The following ASB1 variants were observed in gnomAD, a reference collection of about 807,000 sequenced individuals.
The protein encoded by ASB1 is ankyrin repeat and SOCS box containing 1, also known as ankyrin repeat and SOCS box protein 1.
A neutral mutation model predicts 27.7 loss-of-function variants in ASB1; 18 were observed. The ratio of observed to expected loss-of-function variants is 0.65; its 90% CI spans 0.45 to 0.96. The LOEUF (loss-of-function observed/expected upper bound fraction) is 0.96. Among genes scored for constraint, ASB1 ranks in the 50% least tolerant of loss-of-function variants. The pLI is 0.00. For missense variants in ASB1, 397 were observed against 451.7 expected, an observed-to-expected ratio of 0.88 and a Z score of 1.10; for synonymous variants, 189 against 187.6, an observed-to-expected ratio of 1.01 and a Z score of -0.06.
chr2:238,431,535 C>T (rs1164164388), intron 1 of ASB1, among the ~76,000 whole-genome samples: 1 of 152,244 alleles, frequency 6.6e-6, no homozygotes, highest in Non-Finnish European at 1.5e-5. Context: ...TTTTCCTTTG[C>T]ATTCACAACT....
chr2:238,435,644 G>A, intron 2 of ASB1, 67 bp from the exon 3 acceptor site: 1 of 1,488,720 alleles, frequency 6.7e-7, no homozygotes, highest in Non-Finnish European at 9.1e-7. Flanking sequence ...CCAGGGTGAG[G>A]GGGGCAGTGC....
In ASB1 at chr2:238,446,825, C is replaced by A. The variant is rs1439206517; in HGVS notation, c.*314C>A. 1.0e-5 allele frequency: 3 copies of A among 288,678 alleles called. No individual in the cohort carries two copies. The highest frequency in any genetic ancestry group is 2.0e-5 in the Non-Finnish European group (3 of 153,646). 17.9% of individuals were successfully genotyped at this position (288,678 alleles called of 1,614,324 possible). On this transcript the variant is annotated 3_prime_UTR_variant, in exon 5 of 5. Transcript: ENST00000264607. ...TGAGGTTGGAGGCCTACTAATTTCC[C>A]TGTAGGGAAGACTCCCAGCACTTCT... is the stretch of plus-strand genomic sequence containing the variant.
At position 238,427,022 on chromosome 2, in the gene ASB1, C is replaced by T. The variant is rs1464994761; in HGVS notation, c.-49C>T. ...TGGTCGCGGGTCGTTCTGCTTCCTG[C>T]CCGAGGGGCGTGCGCGGGTCAGGGG... On this transcript the variant is annotated 5_prime_UTR_variant, in exon 1 of 5. Transcript: ENST00000264607. The T allele has an allele frequency of 4.9e-6, 6 of 1,233,370 alleles. No individual in the cohort carries two copies. The African/African-American group carries it at 7.8e-5, about 16-fold the overall frequency. The allele number at this position is 1,233,370 out of a possible 1,614,324, so 76.4% of individuals were successfully genotyped here. A position where few individuals can be genotyped will look rare whatever the true frequency, so the allele number is the denominator to read the frequency against.
At chr2:238,432,557 C>T (rs1390031394) in intron 1 of ASB1, among the ~76,000 whole-genome samples, 4 of 152,120 alleles carry the variant, frequency 2.6e-5, no homozygotes, top group Admixed American at 6.5e-5. Flanking sequence ...GGGAGGGAGT[C>T]ACCCGTGTAG....
chr2:238,443,822 A>C (rs1298324746), intron 3 of ASB1, among the ~76,000 whole-genome samples: 1 of 151,326 alleles, frequency 6.6e-6, no homozygotes, highest in Non-Finnish European at 1.5e-5. Flanking sequence ...ATATTAATAG[A>C]GTTTCTAATA....
Position 238,446,403 on chromosome 2 carries a change from G to A in ASB1, c.900G>A (p.Leu300=). The A allele has an allele frequency of 6.2e-7, 1 of 1,611,036 alleles. No individual in the cohort carries two copies. The highest frequency in any genetic ancestry group is 8.5e-7 in the Non-Finnish European group (1 of 1,178,436). The change falls in exon 5 of 5, where the codon CTG becomes CTA. Residue 300 remains leucine (L), a synonymous_variant. Transcript: ENST00000264607. ...CTTCAGGTGTTCCCAGAACCTTGCT[G>A]TGTCTGTGCCGTGTGGCTGTGAGAA... ...KEARSVPRTL[L]CLCRVAVRRA...
At position 238,433,675 on chromosome 2, in the gene ASB1, G is replaced by T; in HGVS notation, c.171G>T (p.Leu57Phe). 1 of 1,614,032 alleles carries T rather than the reference G, an allele frequency of 6.2e-7. No individual in the cohort carries two copies. Among genetic ancestry groups the T allele is most frequent in the Non-Finnish European group, 8.5e-7 (1 of 1,179,942 alleles). Residue 57 changes from leucine (L) to phenylalanine (F), a missense_variant, in exon 2 of 5, where the codon TTG becomes TTT. Leu to Phe is a conservative substitution (Grantham distance 22, BLOSUM62 0). Transcript: ENST00000264607. ...VGDLQTLRSL[L>F]QEESYRSRIN... ...ACCTCCAGACCCTCAGGAGCCTATT[G>T]CAAGAGGAGAGCTACCGGAGGTGAG...
intron 3 of ASB1, among the ~76,000 whole-genome samples, chr2:238,438,707 T>G (rs1474244584): frequency 1.3e-5 from 2 of 152,256 alleles, no homozygotes; most frequent in African/African-American, 4.8e-5. Flanking sequence ...ATAACTTAGC[T>G]TCTGCCTTCC....
In ASB1 at chr2:238,435,728, C is replaced by CT; in HGVS notation, c.210dup (p.Val71CysfsTer99). 3.1e-6 allele frequency: 5 copies of CT among 1,613,164 alleles called. No individual in the cohort carries two copies. Among genetic ancestry groups the CT allele is most frequent in the Non-Finnish European group, 4.2e-6 (5 of 1,179,348 alleles). ...TCCTGCAGCCGCATCAACGAGAAGTCTGTCTGGTGCTGTGGCTGGCTCCCC... is the reference window on the plus strand; with the variant it reads ...TCCTGCAGCCGCATCAACGAGAAGTCTTGTCTGGTGCTGTGGCTGGCTCCCC... On this transcript the variant is annotated frameshift_variant, in exon 3 of 5. Coordinates refer to ENST00000264607, the MANE Select transcript of ASB1 (RefSeq NM_001040445.3). LOFTEE classifies it high-confidence loss of function.
intron 2 of ASB1, 105 bp downstream of exon 2, chr2:238,433,800 G>T: frequency 7.3e-7 from 1 of 1,361,182 alleles, no homozygotes; most frequent in Non-Finnish European, 1.0e-6. Flanking sequence ...ATGTTGGGAG[G>T]AATGTGTTCC....
rs1219119979 is a variant in ASB1 at position 238,451,661 on chromosome 2, C to G, written c.*5150C>G. 2.6e-5 allele frequency: 4 copies of G among 152,634 alleles called. No individual in the cohort carries two copies. Among genetic ancestry groups the G allele is most frequent in the African/African-American group, 9.7e-5 (4 of 41,450 alleles). The allele number at this position is 152,634 out of a possible 1,614,324, so 9.5% of individuals were successfully genotyped here. A position where few individuals can be genotyped will look rare whatever the true frequency, so the allele number is the denominator to read the frequency against. On this transcript the variant is annotated 3_prime_UTR_variant, in exon 5 of 5. Coordinates refer to ENST00000264607, the MANE Select transcript of ASB1 (RefSeq NM_001040445.3). ...ACCGTGACTGTTTCTGCCCTTGTGC[C>G]TAGTTAAGAGCCTTCAAAAGCATAA...
Position 238,446,829 on chromosome 2 carries a change from A to G in ASB1, c.*318A>G, listed in dbSNP as rs1575009869. 1 of 284,146 alleles carries G rather than the reference A, an allele frequency of 3.5e-6. No homozygotes were observed. Among genetic ancestry groups the G allele is most frequent in the East Asian group, 1.0e-4 (1 of 9,844 alleles). The allele number at this position is 284,146 out of a possible 1,614,324, so 17.6% of individuals were successfully genotyped here. Reference sequence around the variant, plus strand: ...GTTGGAGGCCTACTAATTTCCCTGTAGGGAAGACTCCCAGCACTTCTGGAA... The same window carrying G: ...GTTGGAGGCCTACTAATTTCCCTGTGGGGAAGACTCCCAGCACTTCTGGAA... On this transcript the variant is annotated 3_prime_UTR_variant, in exon 5 of 5. Coordinates refer to ENST00000264607, the MANE Select transcript of ASB1 (RefSeq NM_001040445.3).
chr2:238,444,830 C>A, intron 4 of ASB1, 103 bp downstream of exon 4: 1 of 1,311,032 alleles, frequency 7.6e-7, no homozygotes, highest in Non-Finnish European at 1.0e-6. Flanking sequence ...AGCACTTGGC[C>A]AAAATCTTCA....
At chr2:238,442,603 T>C (rs992810690) in intron 3 of ASB1, among the ~76,000 whole-genome samples, 2 of 152,234 alleles carry the variant, frequency 1.3e-5, no homozygotes, top group African/African-American at 4.8e-5. Flanking sequence ...TAAAAACATT[T>C]TATTTGTGGA....
rs552809178 is a variant in ASB1 at position 238,444,671 on chromosome 2, C to T, written c.824C>T (p.Ser275Leu). 1.4e-5 allele frequency: 23 copies of T among 1,613,974 alleles called. No homozygotes were observed. Among genetic ancestry groups the T allele is most frequent in the African/African-American group, 4.0e-5 (3 of 74,974 alleles). Residue 275 changes from serine (S) to leucine (L), a missense_variant, in exon 4 of 5, where the codon TCG becomes TTG. Transcript: ENST00000264607. ...LVKWESLGPE[S>L]RGRRKVDPEA... Reference sequence around the variant, plus strand: ...AAGTGGGAATCGCTGGGCCCAGAGTCGAGAGGAAGAAGAAAAGTGGACCCT... The same window carrying T: ...AAGTGGGAATCGCTGGGCCCAGAGTTGAGAGGAAGAAGAAAAGTGGACCCT...
intron 2 of ASB1, among the ~76,000 whole-genome samples, chr2:238,434,656 A>G (rs1361757471): frequency 1.3e-5 from 2 of 152,268 alleles, no homozygotes; most frequent in African/African-American, 4.8e-5. Context: ...AAGGACTGTC[A>G]TAGGAAGACA....
intron 1 of ASB1, 67 bp from the exon 2 acceptor site, chr2:238,433,487 G>T: frequency 1.9e-6 from 3 of 1,575,590 alleles, no homozygotes; most frequent in Non-Finnish European, 2.6e-6. Flanking sequence ...GCTGCAGATG[G>T]CACCCCCTTT....
chr2:238,429,907 C>T (rs1387615830), intron 1 of ASB1, among the ~76,000 whole-genome samples: 1 of 146,948 alleles, frequency 6.8e-6, no homozygotes, highest in African/African-American at 2.6e-5. Context: ...CACTGCACTC[C>T]AGCCTGGGCC....
At position 238,451,137 on chromosome 2, in the gene ASB1, A is replaced by G. The variant is rs1460820477; in HGVS notation, c.*4626A>G. On this transcript the variant is annotated 3_prime_UTR_variant, in exon 5 of 5. Coordinates refer to ENST00000264607, the MANE Select transcript of ASB1 (RefSeq NM_001040445.3). Reference sequence around the variant, plus strand: ...TACATGATGCACGTGGGTGGGATTCACATCCCAGGAGAATTCCACGGAGAG... The same window carrying G: ...TACATGATGCACGTGGGTGGGATTCGCATCCCAGGAGAATTCCACGGAGAG... 1 of 151,858 alleles carries G rather than the reference A, an allele frequency of 6.6e-6. No individual in the cohort carries two copies. Among genetic ancestry groups the G allele is most frequent in the East Asian group, 1.9e-4 (1 of 5,188 alleles). 9.4% of individuals were successfully genotyped at this position (151,858 alleles called of 1,614,324 possible).
Sources: allele counts gnomAD v4.1 joint callset (sites outside exome capture counted in the v4.1 genomes callset), GRCh38; gene constraint gnomAD v4.1.1; transcripts MANE v1.5; gene names NCBI Gene and HGNC (gene_info 2026-07-23, HGNC 2026-07-21).